Variants in NTF3 observed in about 807,000 individuals in gnomAD.
NTF3 encodes the protein neurotrophin-3.
In NTF3, 8 loss-of-function variants were observed where a neutral mutation model predicts 26.3. The ratio of observed to expected loss-of-function variants is 0.30; its 90% CI spans 0.18 to 0.55. The LOEUF is 0.55. Among genes scored for constraint, NTF3 ranks in the 20% least tolerant of loss-of-function variants. The probability of loss-of-function intolerance (pLI) is 0.93; values close to 1 mark genes in which losing one functional copy is unlikely to be tolerated. For missense variants in NTF3, 276 were observed against 352.9 expected, an observed-to-expected ratio of 0.78 and a Z score of 1.75; for synonymous variants, 154 against 145.5, an observed-to-expected ratio of 1.06 and a Z score of -0.42.
At chr12:5,479,161 C>T (rs1420110566) in intron 1 of NTF3, among the ~76,000 whole-genome samples, 2 of 152,186 alleles carry the variant, frequency 1.3e-5, no homozygotes, top group Non-Finnish European at 2.9e-5. Context: ...CTCCAGAATA[C>T]AATCCTAAAT....
intron 1 of NTF3, among the ~76,000 whole-genome samples, chr12:5,457,838 G>A (rs1308345500): frequency 6.6e-6 from 1 of 152,102 alleles, no homozygotes; most frequent in Admixed American, 6.5e-5. Context: ...CCAGAGACTT[G>A]GAAGTCACCT....
upstream of NTF3, among the ~76,000 whole-genome samples, chr12:5,430,915 C>G (rs1940077981): frequency 6.6e-6 from 1 of 151,862 alleles, no homozygotes. Flanking sequence ...CACGCAAGGA[C>G]TCGGGAAGCG....
At chr12:5,432,596 CACA>C (rs1280694884) in intron 1 of NTF3, among the ~76,000 whole-genome samples, 3 of 149,184 alleles carry the variant, frequency 2.0e-5, no homozygotes, top group Non-Finnish European at 4.5e-5. Flanking sequence ...CACACACACA[CACA>C]CACACACAGA....
chr12:5,471,296 T>C (rs1940663428), intron 1 of NTF3, among the ~76,000 whole-genome samples: 2 of 152,214 alleles, frequency 1.3e-5, no homozygotes, highest in Non-Finnish European at 2.9e-5. Flanking sequence ...ACCTTAGAAA[T>C]GTCATTTTCC....
chr12:5,439,623 A>C (rs1940213343), intron 1 of NTF3, among the ~76,000 whole-genome samples: 2 of 152,224 alleles, frequency 1.3e-5, no homozygotes, highest in African/African-American at 4.8e-5. Flanking sequence ...TTCTGTTGAC[A>C]AGGGAACCTG....
chr12:5,475,325 A>G (rs1381327532), intron 1 of NTF3, among the ~76,000 whole-genome samples: 1 of 152,138 alleles, frequency 6.6e-6, no homozygotes, highest in African/African-American at 2.4e-5. Context: ...TGACTTTGAA[A>G]TGAAGAATGG....
Position 5,445,276 on chromosome 12 carries a change from T to A in NTF3, c.18+12934T>A, listed in dbSNP as rs570878447. Among the ~76,000 whole-genome samples, 358 of 150,996 alleles carry A rather than the reference T, an allele frequency of 2.4e-3. 5 individuals carry two copies. The highest frequency in any genetic ancestry group is 0.014 in the Admixed American group (215 of 15,184). On this transcript the variant is annotated intron_variant, in intron 1 of 1. Transcript: ENST00000423158. The stretch of plus-strand genomic sequence containing the variant: ...GTCAGATCCACCCATAGATGATTCC[T>A]TGGATTAAATGATGTGTGTGTGTAT...
At chr12:5,432,431 G>T (rs1388924310) in intron 1 of NTF3, 89 bp downstream of exon 1, 5 of 1,457,624 alleles carry the variant, frequency 3.4e-6, no homozygotes, top group Non-Finnish European at 4.7e-6. Context: ...TGGTGCGGGG[G>T]GCCCCAGATC....
chr12:5,464,916 C>G (rs1940570698), intron 1 of NTF3, among the ~76,000 whole-genome samples: 1 of 152,142 alleles, frequency 6.6e-6, no homozygotes, highest in Admixed American at 6.5e-5. Context: ...CAACTGGCAG[C>G]CTCATTAGGA....
chr12:5,453,732 G>A (rs1328148509), intron 1 of NTF3, among the ~76,000 whole-genome samples: 1 of 152,170 alleles, frequency 6.6e-6, no homozygotes, highest in African/African-American at 2.4e-5. Flanking sequence ...CCACAGACAG[G>A]GGCCATCTGT....
rs565603919 is a variant in NTF3, at chr12:5,495,234, C to T, written c.*246C>T. On this transcript the variant is annotated 3_prime_UTR_variant, in exon 2 of 2. Transcript: ENST00000423158. Reference sequence around the variant, plus strand: ...GGAGTCACTCTGTAAAATCTGTGTACACCAGTATTTTGCATTCAGTATTGT... The same window carrying T: ...GGAGTCACTCTGTAAAATCTGTGTATACCAGTATTTTGCATTCAGTATTGT... 2 of 482,888 alleles carry T rather than the reference C, an allele frequency of 4.1e-6. No individual in the cohort carries two copies. Among genetic ancestry groups the T allele is most frequent in the South Asian group, 2.7e-5 (1 of 36,572 alleles). 29.9% of individuals were successfully genotyped at this position (482,888 alleles called of 1,614,324 possible). A position where few individuals can be genotyped will look rare whatever the true frequency, so the allele number is the denominator to read the frequency against.
At chr12:5,461,851 C>T (rs1393800479) in intron 1 of NTF3, among the ~76,000 whole-genome samples, 2 of 152,102 alleles carry the variant, frequency 1.3e-5, no homozygotes, top group African/African-American at 4.8e-5. Flanking sequence ...CATGCTGATC[C>T]ACGACTCTTA....
At chr12:5,443,780 G>A (rs1202023832) in intron 1 of NTF3, among the ~76,000 whole-genome samples, 1 of 151,938 alleles carries the variant, frequency 6.6e-6, no homozygotes, top group East Asian at 1.9e-4. Flanking sequence ...GTCTTTCTTA[G>A]CATTTAAACC....
In NTF3 at chr12:5,495,132, T is replaced by C. The variant is rs1940992890; in HGVS notation, c.*144T>C. On this transcript the variant is annotated 3_prime_UTR_variant, in exon 2 of 2. Transcript: ENST00000423158. The stretch of plus-strand genomic sequence containing the variant: ...CAACCCTACAGTATATAAGCTTTTT[T>C]CTCAATAAAATCAGTGTGCTTGCCT... 2 of 910,240 alleles carry C rather than the reference T, an allele frequency of 2.2e-6. No individual in the cohort carries two copies. Among genetic ancestry groups the C allele is most frequent in the Non-Finnish European group, 3.3e-6 (2 of 612,920 alleles). 56.4% of individuals were successfully genotyped at this position (910,240 alleles called of 1,614,324 possible).
At chr12:5,462,499 G>A (rs1304091111) in intron 1 of NTF3, among the ~76,000 whole-genome samples, 5 of 152,218 alleles carry the variant, frequency 3.3e-5, no homozygotes, top group African/African-American at 1.2e-4. Flanking sequence ...TAATTTGTGT[G>A]ATGGTTCCTA....
chr12:5,451,432 G>A (rs543356025), intron 1 of NTF3, among the ~76,000 whole-genome samples: 4 of 152,190 alleles, frequency 2.6e-5, no homozygotes, highest in Non-Finnish European at 5.9e-5. Context: ...AGTGGGAAGT[G>A]GAAAGATAAC....
rs138105703 is a variant in NTF3, at chr12:5,468,794, C to A, written c.19-25400C>A. Among the ~76,000 whole-genome samples the A allele has an allele frequency of 3.2e-3, 488 of 152,262 alleles. 4 individuals are homozygous for A. Among genetic ancestry groups the A allele is most frequent in the African/African-American group, 0.011 (458 of 41,538 alleles). On this transcript the variant is annotated intron_variant, in intron 1 of 1. Coordinates refer to ENST00000423158, the MANE Select transcript of NTF3 (RefSeq NM_001102654.2). The stretch of plus-strand genomic sequence containing the variant: ...CCCCACCAAGTGGGTCATCAACACT[C>A]ATCACTCAGAGGGGAGGTGGGATAC...
chr12:5,441,409 T>C (rs1227681186), intron 1 of NTF3, among the ~76,000 whole-genome samples: 4 of 152,246 alleles, frequency 2.6e-5, no homozygotes, highest in Middle Eastern at 3.2e-3. Flanking sequence ...GGATATATTC[T>C]GTACAAATAT....
At chr12:5,482,888 G>GT (rs1042083834) in intron 1 of NTF3, among the ~76,000 whole-genome samples, 54 of 144,558 alleles carry the variant, frequency 3.7e-4, no homozygotes, top group South Asian at 1.1e-3. Context: ...CTCTGTGTGT[G>GT]TTTTTTTTTC....
Sources: allele counts gnomAD v4.1 joint callset (sites outside exome capture counted in the v4.1 genomes callset), GRCh38; gene constraint gnomAD v4.1.1; transcripts MANE v1.5; gene names NCBI Gene and HGNC (gene_info 2026-07-23, HGNC 2026-07-21).